Variants in ZNF777 observed in about 807,000 individuals in gnomAD.
ZNF777 encodes zinc finger protein 777.
ZNF777 carries 7 observed loss-of-function variants against 72.1 expected under a neutral mutation model. The observed-to-expected ratio is 0.10, with a 90% confidence interval of 0.06 to 0.18. The LOEUF is 0.18. ZNF777 is among the 10% of genes least tolerant of loss of function. The probability of loss-of-function intolerance (pLI) is 1.00; values close to 1 mark genes in which losing one functional copy is unlikely to be tolerated. For synonymous variants in ZNF777, 545 were observed against 483.5 expected, an observed-to-expected ratio of 1.13 and a Z score of -1.67; for missense variants, 828 against 1,128.6, an observed-to-expected ratio of 0.73 and a Z score of 3.82.
chr7:149,444,086 G>A (rs192006578), intron 4 of ZNF777, among the ~76,000 whole-genome samples: 16 of 152,284 alleles, frequency 1.1e-4, no homozygotes, highest in Non-Finnish European at 1.9e-4. Flanking sequence ...ATGACGGTCA[G>A]AACCATCTCC....
rs77435011 is a variant in ZNF777 at position 149,436,848 on chromosome 7, T to A, written c.1088-22A>T. On this transcript the variant is annotated intron_variant, in intron 4 of 5. Coordinates refer to ENST00000247930, the MANE Select transcript of ZNF777 (RefSeq NM_015694.3). The surrounding 1 kb of genome is among the most constrained non-coding windows in gnomAD (Gnocchi z 5.0). ...TGCGCTGAGAGAGGGTGGGCAGGGG[T>A]GAGGAGGAGAAAAGAACCCAGAATG... is the stretch of plus-strand genomic sequence containing the variant. The A allele has an allele frequency of 4.9e-4, 784 of 1,595,118 alleles. 3 individuals are homozygous for A. In the African/African-American group the frequency reaches 9.4e-3, roughly 19 times the overall value.
chr7:149,454,017 A>AT, intron 3 of ZNF777, 94 bp downstream of exon 3: 4 of 1,546,898 alleles, frequency 2.6e-6, no homozygotes, highest in Non-Finnish European at 3.5e-6. Context: ...GCTTGCAACT[A>AT]TTGGCTCTGC....
chr7:149,459,982 G>A (rs1278630901), intron 1 of ZNF777: 2 of 912,738 alleles, frequency 2.2e-6, no homozygotes, highest in Non-Finnish European at 2.6e-6. Flanking sequence ...GCCCCCTCCA[G>A]GGCGCCCCCA....
At chr7:149,454,286 G>C (rs1039863088) in intron 2 of ZNF777, 49 bp from the exon 3 acceptor site, 1 of 1,609,700 alleles carries the variant, frequency 6.2e-7, no homozygotes, top group East Asian at 2.2e-5. Flanking sequence ...GGCAGTGACA[G>C]GCCCACGGCT....
At chr7:149,459,615 G>C (rs1248956983) in intron 1 of ZNF777, 3 of 983,654 alleles carry the variant, frequency 3.0e-6, no homozygotes, top group East Asian at 1.1e-4. Flanking sequence ...AGCCCTCTGG[G>C]CAGGCCTTTC....
intron 1 of ZNF777, among the ~76,000 whole-genome samples, chr7:149,459,354 C>G (rs1486094076): frequency 6.6e-6 from 1 of 152,188 alleles, no homozygotes; most frequent in African/African-American, 2.4e-5. Context: ...GCCCCCAACC[C>G]CTGAGAAGCT....
At chr7:149,459,532 G>C (rs1316107949) in intron 1 of ZNF777, 1 of 668,678 alleles carries the variant, frequency 1.5e-6, no homozygotes, top group Admixed American at 6.3e-5. Context: ...GGCCGCGTCC[G>C]CTGCCAGGGC....
chr7:149,442,382 C>T (rs188362274), intron 4 of ZNF777, among the ~76,000 whole-genome samples: 163 of 151,504 alleles, frequency 1.1e-3, no homozygotes, highest in African/African-American at 3.9e-3. Context: ...CTTTGGGAGG[C>T]CAAGGTAGGT....
At chr7:149,437,742 T>G (rs1385362179) in intron 4 of ZNF777, among the ~76,000 whole-genome samples, 1 of 152,144 alleles carries the variant, frequency 6.6e-6, no homozygotes, top group Non-Finnish European at 1.5e-5. Context: ...TACCAGGACT[T>G]TTCTCTGTGC....
At position 149,451,087 on chromosome 7, in the gene ZNF777, G is replaced by A. The variant is rs1205084920; in HGVS notation, c.999C>T (p.Leu333=). 4 of 1,613,898 alleles carry A rather than the reference G, an allele frequency of 2.5e-6. No individual in the cohort carries two copies. Among genetic ancestry groups the A allele is most frequent in the Non-Finnish European group, 3.4e-6 (4 of 1,180,038 alleles). The change falls in exon 4 of 6, where the codon CTC becomes CTT. Residue 333 remains leucine (L), a synonymous_variant. Transcript: ENST00000247930. ...GCTCCCCGCGCTCCATCTGTGACAT[G>A]AGGTCTGGTTTGGAAATTGCATAGT... The part of the protein sequence containing the change: ...SMDYAISKPD[L]MSQMERGERP...
intron 4 of ZNF777, among the ~76,000 whole-genome samples, chr7:149,448,427 G>T (rs770719817): frequency 1.4e-5 from 2 of 146,588 alleles, no homozygotes; most frequent in African/African-American, 2.6e-5. Flanking sequence ...CAGAGATCAC[G>T]CCACTGCACT....
Position 149,455,293 on chromosome 7 carries a change from G to C in ZNF777, c.730C>G (p.Leu244Val). Reference protein sequence around the residue: ...LESKWVVLGTLLQEYGLLQRR... With the variant: ...LESKWVVLGTVLQEYGLLQRR... ...TGCAGCAGCCCATACTCCTGCAGCA[G>C]GGTCCCCAACACGACCCACTTGCTC... The change falls in exon 2 of 6, where the codon CTG becomes GTG. Residue 244 changes from leucine (L) to valine (V), a missense_variant. Transcript: ENST00000247930. This position sits in a 1 kb window ranked among gnomAD's most constrained non-coding sequence, Gnocchi z 4.2. The C allele has an allele frequency of 6.2e-7, 1 of 1,614,212 alleles. No individual in the cohort carries two copies. The highest frequency in any genetic ancestry group is 8.5e-7 in the Non-Finnish European group (1 of 1,180,034).
rs1799815585 is a variant in ZNF777, at chr7:149,455,751, G to T, written c.272C>A (p.Thr91Asn). The T allele has an allele frequency of 6.3e-7, 1 of 1,592,844 alleles. No individual in the cohort carries two copies. Among genetic ancestry groups the T allele is most frequent in the Admixed American group, 1.7e-5 (1 of 57,156 alleles). The change falls in exon 2 of 6, where the codon ACT (threonine) becomes AAT (asparagine). Residue 91 changes from threonine (T) to asparagine (N), a missense_variant. Coordinates refer to ENST00000247930, the MANE Select transcript of ZNF777 (RefSeq NM_015694.3). This position sits in a 1 kb window ranked among gnomAD's most constrained non-coding sequence, Gnocchi z 4.2. ...LLCSAASEQE[T>N]SLQGPLASQE... is the part of the protein sequence containing the mutation. ...GGAAGCCAGGGGGCCCTGGAGAGAA[G>T]TCTCTTGCTCAGAAGCGGCAGAACA...
At chr7:149,434,941 C>T (rs1799386546) in intron 5 of ZNF777, among the ~76,000 whole-genome samples, 1 of 152,116 alleles carries the variant, frequency 6.6e-6, no homozygotes, top group South Asian at 2.1e-4. Context: ...GGCCCTAAAA[C>T]TCAAGACTCA....
intron 4 of ZNF777, among the ~76,000 whole-genome samples, chr7:149,448,010 G>A (rs1406162696): frequency 6.6e-6 from 1 of 152,114 alleles, no homozygotes; most frequent in Non-Finnish European, 1.5e-5. Flanking sequence ...GAAACTTATG[G>A]TTTCAAAACT....
intron 4 of ZNF777, among the ~76,000 whole-genome samples, chr7:149,437,897 T>A (rs1159869993): frequency 6.6e-6 from 1 of 151,776 alleles, no homozygotes; most frequent in Admixed American, 6.6e-5. Flanking sequence ...TCTTTTTTTT[T>A]TAGACGGAGT....
Position 149,459,456 on chromosome 7 carries a change from G to A in ZNF777, c.-16+1359C>T, listed in dbSNP as rs569628433. On this transcript the variant is annotated intron_variant, in intron 1 of 5. Transcript: ENST00000247930. ...GGAGGCAGAGGCTGGAGCTCAGAGG[G>A]TCACCTGCTCCCACCGCGGAGATGC... Among the ~76,000 whole-genome samples the A allele has an allele frequency of 2.5e-4, 38 of 152,196 alleles. No homozygotes were observed. The East Asian group carries it at 7.2e-3, about 29-fold the overall frequency.
chr7:149,432,707 CCGTGCACGGAGGGCG>C lies in ZNF777; in HGVS notation c.1550_1564del (p.Ala517_His521del). The C allele has an allele frequency of 6.2e-7, 1 of 1,612,756 alleles. No individual in the cohort carries two copies. The highest frequency in any genetic ancestry group is 2.2e-5 in the East Asian group (1 of 44,838). On this transcript the variant is annotated inframe_deletion, in exon 6 of 6. Coordinates refer to ENST00000247930, the MANE Select transcript of ZNF777 (RefSeq NM_015694.3). Reference sequence around the variant, plus strand: ...GCGGTTCTCGCTCAGGTGCCGCTCACCGTGCACGGAGGGCGCCAGCCTTTTCACTGCGGGGTTTCC... The same window carrying C: ...GCGGTTCTCGCTCAGGTGCCGCTCACCCAGCCTTTTCACTGCGGGGTTTCC...
At position 149,436,652 on chromosome 7, in the gene ZNF777, G is replaced by T; in HGVS notation, c.1262C>A (p.Thr421Lys). The change falls in exon 5 of 6, where the codon ACG becomes AAG. Residue 421 changes from threonine (T) to lysine (K), a missense_variant. This residue lies in a region of ZNF777 where 219 missense variants were observed against 223.0 expected (regional missense o/e 0.98). Transcript: ENST00000247930. This position sits in a 1 kb window ranked among gnomAD's most constrained non-coding sequence, Gnocchi z 5.0. The stretch of plus-strand genomic sequence containing the variant: ...GGAGCCTTCCGTGGACTCCTCCAGC[G>T]TGTTCTCTGGCTCCTGCATGTCCAG... ...PDLDMQEPEN[T>K]LEESTEGSSE... 6.2e-7 allele frequency: 1 copy of T among 1,614,012 alleles called. No individual in the cohort carries two copies. The highest frequency in any genetic ancestry group is 8.5e-7 in the Non-Finnish European group (1 of 1,180,042).
Sources: gnomAD v4.1 joint callset for allele counts (sites outside exome capture counted in the v4.1 genomes callset) on GRCh38, gnomAD v4.1.1 for gene constraint, gnomAD v4.1.1 regional missense constraint, Gnocchi (gnomAD v3.1) non-coding constraint, MANE v1.5 for transcripts, NCBI Gene and HGNC (gene_info 2026-07-23, HGNC 2026-07-21) for gene names.